The following COMMD7 variants were observed in gnomAD, a reference collection of about 807,000 sequenced individuals.
COMMD7 encodes COMM domain-containing protein 7.
In COMMD7, 28 loss-of-function variants were observed where a neutral mutation model predicts 34.8. That is an observed-to-expected ratio of 0.80 (90% CI 0.60 to 1.10). The LOEUF is 1.10. COMMD7 is among the 50% of genes least tolerant of loss of function. The probability of loss-of-function intolerance (pLI) is 0.00; values close to 1 mark genes in which losing one functional copy is unlikely to be tolerated. For missense variants in COMMD7, 211 were observed against 241.6 expected (o/e 0.87, Z 0.84); for synonymous variants, 80 against 86.4 (o/e 0.93, Z 0.41).
At chr20:32,717,076 A>G (rs948343053) in intron 3 of COMMD7, among the ~76,000 whole-genome samples, 2 of 152,014 alleles carry the variant, frequency 1.3e-5, no homozygotes, top group Non-Finnish European at 2.9e-5. Flanking sequence ...CGTGATCCAC[A>G]TGCCTCGGCC....
intron 7 of COMMD7, 132 bp downstream of exon 7, chr20:32,704,308 G>A: frequency 1.1e-6 from 1 of 874,806 alleles, no homozygotes; most frequent in Non-Finnish European, 1.8e-6. Context: ...ATCTTTAGCT[G>A]GCCACACTGC....
intron 5 of COMMD7, 143 bp from the exon 6 acceptor site, chr20:32,705,047 C>T (rs1428608432): frequency 3.4e-5 from 22 of 640,380 alleles, no homozygotes; most frequent in Middle Eastern, 5.1e-4. Flanking sequence ...GAACGAAGGG[C>T]TCAGTCTATA....
At chr20:32,727,224 CAAA>C (rs765025702) in intron 3 of COMMD7, among the ~76,000 whole-genome samples, 1 of 123,910 alleles carries the variant, frequency 8.1e-6, no homozygotes. Context: ...AAGACCCTGT[CAAA>C]AAAAAAAAAA....
chr20:32,703,292 C>T lies in COMMD7; in HGVS notation c.*90G>A. Reference sequence around the variant, plus strand: ...CAGCAGGGCCCCATGGAGCATCCCACAGGCCTGTGAGTGAAGTGCCTCTCA... The same window carrying T: ...CAGCAGGGCCCCATGGAGCATCCCATAGGCCTGTGAGTGAAGTGCCTCTCA... On this transcript the variant is annotated 3_prime_UTR_variant, in exon 9 of 9. Coordinates refer to ENST00000278980, the MANE Select transcript of COMMD7 (RefSeq NM_053041.3). 8.3e-7 allele frequency: 1 copy of T among 1,211,208 alleles called. No individual in the cohort carries two copies. Among genetic ancestry groups the T allele is most frequent in the Non-Finnish European group, 1.2e-6 (1 of 841,322 alleles). 75.0% of individuals were successfully genotyped at this position (1,211,208 alleles called of 1,614,324 possible).
chr20:32,723,127 T>C (rs1185766703), intron 3 of COMMD7, among the ~76,000 whole-genome samples: 2 of 45,974 alleles, frequency 4.4e-5, no homozygotes, highest in African/African-American at 1.7e-4. Context: ...TCCCTCTCCC[T>C]CCCTCTCCGT....
chr20:32,704,532 AC>A, intron 6 of COMMD7, 43 bp from the exon 7 acceptor site: 1 of 1,584,026 alleles, frequency 6.3e-7, no homozygotes, highest in Non-Finnish European at 8.6e-7. Context: ...GAGAGAAATA[AC>A]AAGTGACTGA....
Position 32,708,498 on chromosome 20 carries a change from C to T in COMMD7, c.242-1738G>A, listed in dbSNP as rs143474021. Among the ~76,000 whole-genome samples the T allele has an allele frequency of 2.1e-4, 32 of 152,180 alleles. 1 individual carries two copies. The East Asian group carries it at 5.6e-3, about 27-fold the overall frequency. The stretch of plus-strand genomic sequence containing the variant: ...ACACGGAATAAAAAAGGCAAGACCC[C>T]GGGAAACCTTAGCCATAAAGGCCCT... On this transcript the variant is annotated intron_variant, in intron 3 of 8. Transcript: ENST00000278980.
chr20:32,719,831 A>T (rs547783777), intron 3 of COMMD7, among the ~76,000 whole-genome samples: 2 of 152,120 alleles, frequency 1.3e-5, no homozygotes, highest in East Asian at 3.9e-4. Context: ...GCACAGTAAC[A>T]TGCCTATAAT....
intron 1 of COMMD7, among the ~76,000 whole-genome samples, chr20:32,737,612 T>TA (rs35135745): frequency 0.43 from 64,781 of 151,518 alleles, 14,183 homozygotes; most frequent in Middle Eastern, 0.51. Context: ...GAGGATCCCT[T>TA]AAGGCCAGGA....
In COMMD7 at chr20:32,741,388, G is replaced by A. The variant is rs531561398; in HGVS notation, c.84+1920C>T. Reference sequence around the variant, plus strand: ...GTAGCTGTGCCACCGTACCCAACTAGAAAGTTGTTTTTTTTTTTTTGAGAT... The same window carrying A: ...GTAGCTGTGCCACCGTACCCAACTAAAAAGTTGTTTTTTTTTTTTTGAGAT... On this transcript the variant is annotated intron_variant, in intron 1 of 8. Transcript: ENST00000278980. Among the ~76,000 whole-genome samples, 887 of 109,892 alleles carry A rather than the reference G, an allele frequency of 8.1e-3. 11 individuals are homozygous for A. The highest frequency in any genetic ancestry group is 0.029 in the African/African-American group (850 of 29,156). The allele number at this position is 109,892 out of a possible 152,430, so 72.1% of individuals were successfully genotyped here.
At chr20:32,743,182 G>T in intron 1 of COMMD7, 126 bp downstream of exon 1, 3 of 756,494 alleles carry the variant, frequency 4.0e-6, no homozygotes, top group South Asian at 2.0e-5. Flanking sequence ...CACCCCAAAC[G>T]CCCACAAGAC....
chr20:32,719,422 G>T (rs1051456025), intron 3 of COMMD7, among the ~76,000 whole-genome samples: 1 of 152,136 alleles, frequency 6.6e-6, no homozygotes, highest in African/African-American at 2.4e-5. Context: ...CCAAGGTGGG[G>T]TGGATCACCT....
intron 1 of COMMD7, among the ~76,000 whole-genome samples, chr20:32,742,095 G>A (rs1472366437): frequency 6.6e-6 from 1 of 152,136 alleles, no homozygotes; most frequent in Admixed American, 6.6e-5. Context: ...GACTGAGACA[G>A]AGAACTGGTT....
At chr20:32,740,521 C>T (rs1021905374) in intron 1 of COMMD7, among the ~76,000 whole-genome samples, 1 of 118,986 alleles carries the variant, frequency 8.4e-6, no homozygotes, top group African/African-American at 3.1e-5. Context: ...GGTCCCATAA[C>T]ATTATAATGG....
intron 3 of COMMD7, among the ~76,000 whole-genome samples, chr20:32,714,004 T>C (rs1018282182): frequency 4.6e-5 from 7 of 151,996 alleles, no homozygotes; most frequent in African/African-American, 1.7e-4. Context: ...TCGCAGCTAC[T>C]TGGGAGGCTG....
At chr20:32,738,661 A>G (rs1360451610) in intron 1 of COMMD7, among the ~76,000 whole-genome samples, 1 of 151,408 alleles carries the variant, frequency 6.6e-6, no homozygotes, top group Non-Finnish European at 1.5e-5. Context: ...GCCTCAAGTG[A>G]TCCCCCTACC....
intron 3 of COMMD7, among the ~76,000 whole-genome samples, chr20:32,714,209 T>C (rs1984637823): frequency 6.6e-6 from 1 of 152,134 alleles, no homozygotes; most frequent in Non-Finnish European, 1.5e-5. Context: ...CTGGGGAATT[T>C]AGTTCAATGT....
intron 1 of COMMD7, among the ~76,000 whole-genome samples, chr20:32,740,306 G>A (rs746991276): frequency 1.7e-4 from 21 of 121,922 alleles, no homozygotes; most frequent in Non-Finnish European, 3.6e-4. Context: ...AACAGGGCCA[G>A]ACACTGTCTC....
intron 8 of COMMD7, 92 bp from the exon 9 acceptor site, chr20:32,703,550 C>A: frequency 6.7e-6 from 10 of 1,503,512 alleles, no homozygotes; most frequent in Non-Finnish European, 8.8e-6. Flanking sequence ...TTTTTTTTTT[C>A]TTTTTTGGCT....
Sources: gnomAD v4.1 joint callset for allele counts (sites outside exome capture counted in the v4.1 genomes callset) on GRCh38, gnomAD v4.1.1 for gene constraint, MANE v1.5 for transcripts, NCBI Gene and HGNC (gene_info 2026-07-23, HGNC 2026-07-21) for gene names.